HBP1: variants seen among roughly 807,000 people sequenced by gnomAD.
HBP1 encodes the protein HMG-box transcription factor 1.
In HBP1, 20 loss-of-function variants were observed where a neutral mutation model predicts 62.6. The ratio of observed to expected loss-of-function variants is 0.32; its 90% CI spans 0.22 to 0.46. The LOEUF (loss-of-function observed/expected upper bound fraction) is 0.46, where lower values mean the gene tolerates loss of function less well. Ranked by LOEUF, HBP1 falls within the 20% of genes least tolerant of loss-of-function variation. HBP1 has a pLI of 1.00. For missense variants in HBP1, 480 were observed against 611.8 expected, an observed-to-expected ratio of 0.78 and a Z score of 2.27; for synonymous variants, 232 against 206.2, an observed-to-expected ratio of 1.12 and a Z score of -1.07.
rs761917367 is a variant in HBP1 at position 107,185,868 on chromosome 7, T to C, written c.466T>C (p.Ser156Pro). The stretch of plus-strand genomic sequence containing the variant: ...TTCCTATGCACGCCCTCCACCAGTG[T>C]CCTCTTCTTCGAAGAGTGAACCAGC... ...LHSYARPPPV[S>P]SSSKSEPAFP... Residue 156 changes from serine to proline, a missense_variant, in exon 4 of 11, where the codon TCC becomes CCC. Coordinates refer to ENST00000222574, the MANE Select transcript of HBP1 (RefSeq NM_012257.4). The C allele has an allele frequency of 1.2e-6, 2 of 1,611,556 alleles. No individual in the cohort carries two copies. The highest frequency in any genetic ancestry group is 2.7e-5 in the African/African-American group (2 of 74,870).
chr7:107,184,385 C>T (rs1345014730), intron 3 of HBP1, among the ~76,000 whole-genome samples: 1 of 152,062 alleles, frequency 6.6e-6, no homozygotes, highest in Admixed American at 6.5e-5. Flanking sequence ...AGTATAGATC[C>T]TTATGTAAAA....
chr7:107,196,192 A>G, intron 9 of HBP1, 41 bp downstream of exon 9: 2 of 1,072,784 alleles, frequency 1.9e-6, no homozygotes, highest in Non-Finnish European at 2.9e-6. Flanking sequence ...AATGAGTAAC[A>G]CTTCAATACG....
chr7:107,169,344 G>A (rs950886579), intron 1 of HBP1, among the ~76,000 whole-genome samples, 159 bp downstream of exon 1: 1 of 150,536 alleles, frequency 6.6e-6, no homozygotes, highest in Non-Finnish European at 1.5e-5. Flanking sequence ...TGCCCGCGGC[G>A]AGCCCACCGG....
At chr7:107,187,449 A>G (rs1797445847) in intron 6 of HBP1, among the ~76,000 whole-genome samples, 1 of 152,160 alleles carries the variant, frequency 6.6e-6, no homozygotes, top group African/African-American at 2.4e-5. Flanking sequence ...AGCGAGCAAT[A>G]TTAGGATAAA....
At chr7:107,195,750 C>A in intron 8 of HBP1, 84 bp from the exon 9 acceptor site, 1 of 531,284 alleles carries the variant, frequency 1.9e-6, no homozygotes, top group Admixed American at 4.2e-5. Flanking sequence ...CAGATGTTTT[C>A]TTTTTTTTTT....
intron 9 of HBP1, 93 bp downstream of exon 9, chr7:107,196,244 T>C: frequency 2.5e-6 from 2 of 815,230 alleles, no homozygotes; most frequent in Non-Finnish European, 4.2e-6. Context: ...TATTCTTTAA[T>C]AGCTTTTATT....
intron 2 of HBP1, 75 bp from the exon 3 acceptor site, chr7:107,182,298 T>C: frequency 1.3e-6 from 1 of 778,810 alleles, no homozygotes. Context: ...AGGACTTCTC[T>C]TTTAACTGCA....
intron 1 of HBP1, among the ~76,000 whole-genome samples, chr7:107,177,746 TTGAGTA>T (rs1475634116): frequency 4.6e-5 from 7 of 152,156 alleles, no homozygotes; most frequent in Non-Finnish European, 1.0e-4. Flanking sequence ...AAAAACATGA[TTGAGTA>T]TATGTGTACA....
chr7:107,189,991 TAC>T (rs1242133968), intron 7 of HBP1, 180 bp from the exon 8 acceptor site: 1 of 468,542 alleles, frequency 2.1e-6, no homozygotes, highest in Admixed American at 3.8e-5. Flanking sequence ...GGAGGGCTTT[TAC>T]ATTGCTGAAA....
chr7:107,190,056 A>C (rs1055948632), intron 7 of HBP1, 117 bp from the exon 8 acceptor site: 1 of 706,146 alleles, frequency 1.4e-6, no homozygotes, highest in Non-Finnish European at 2.3e-6. Flanking sequence ...GTGTTAGAGA[A>C]TCTCTTGAGA....
intron 8 of HBP1, among the ~76,000 whole-genome samples, chr7:107,193,501 ATTG>A (rs1044832047): frequency 2.0e-5 from 3 of 152,124 alleles, no homozygotes; most frequent in Non-Finnish European, 2.9e-5. Flanking sequence ...TCTTATGTTT[ATTG>A]TTCTTTTTGG....
intron 1 of HBP1, among the ~76,000 whole-genome samples, chr7:107,175,155 A>C (rs1796772485): frequency 6.6e-6 from 1 of 151,942 alleles, no homozygotes; most frequent in Non-Finnish European, 1.5e-5. Context: ...TTGTCCATAG[A>C]CTCAAAGAGA....
chr7:107,171,061 A>ATTTTTTTTTTTTTTTTTTTTT (rs1427195906), intron 1 of HBP1, among the ~76,000 whole-genome samples: 1 of 65,000 alleles, frequency 1.5e-5, no homozygotes, highest in Non-Finnish European at 2.5e-5. Flanking sequence ...ATATATATAT[A>ATTTTTTTTTTTTTTTTTTTTT]TATATATATA....
intron 1 of HBP1, among the ~76,000 whole-genome samples, chr7:107,177,694 T>C (rs143899645): frequency 5.8e-4 from 89 of 152,310 alleles, no homozygotes; most frequent in Non-Finnish European, 1.1e-3. Context: ...TATGAACTTA[T>C]ATTAGGCCAA....
chr7:107,198,398 TG>T lies in HBP1; in HGVS notation c.1386-1758del, dbSNP rs1382047444. Among the ~76,000 whole-genome samples the T allele has an allele frequency of 2.6e-5, 4 of 152,070 alleles. No individual in the cohort carries two copies. In the East Asian group the frequency reaches 7.7e-4, roughly 29 times the overall value. ...TAATTTTTTGTAGTTTTAGTAGAGA[TG>T]GGGTTTCACCTTGTTGGCTAGGCTG... is the stretch of plus-strand genomic sequence containing the variant. On this transcript the variant is annotated intron_variant, in intron 9 of 10. Coordinates refer to ENST00000222574, the MANE Select transcript of HBP1 (RefSeq NM_012257.4).
At chr7:107,184,917 C>T (rs1184635024) in intron 3 of HBP1, among the ~76,000 whole-genome samples, 1 of 152,202 alleles carries the variant, frequency 6.6e-6, no homozygotes, top group African/African-American at 2.4e-5. Flanking sequence ...TGATTTGGGA[C>T]CTTACCTTCA....
intron 8 of HBP1, chr7:107,192,409 T>C (rs1355229828): frequency 6.6e-6 from 1 of 151,998 alleles, no homozygotes; most frequent in Non-Finnish European, 1.5e-5. Flanking sequence ...ATAAAACTAA[T>C]GCTACTGTAG....
intron 6 of HBP1, among the ~76,000 whole-genome samples, chr7:107,188,267 A>T (rs1050857978): frequency 1.3e-5 from 2 of 152,154 alleles, no homozygotes; most frequent in Non-Finnish European, 2.9e-5. Context: ...TGTGACCAAA[A>T]CTGCCCTTAC....
intron 9 of HBP1, chr7:107,196,916 T>A (rs959769079): frequency 1.3e-4 from 20 of 152,416 alleles, no homozygotes; most frequent in African/African-American, 4.8e-4. Context: ...AAGATCTACC[T>A]TTTAAAATCA....
Sources: allele counts gnomAD v4.1 joint callset (sites outside exome capture counted in the v4.1 genomes callset), GRCh38; gene constraint gnomAD v4.1.1; transcripts MANE v1.5; gene names NCBI Gene and HGNC (gene_info 2026-07-23, HGNC 2026-07-21).